Variants in DIDO1 observed in about 807,000 individuals in gnomAD.
The protein encoded by DIDO1 is death-inducer obliterator 1.
DIDO1 carries 16 observed loss-of-function variants against 99.4 expected under a neutral mutation model. The ratio of observed to expected loss-of-function variants is 0.16; its 90% CI spans 0.11 to 0.24. The LOEUF is 0.24. DIDO1 is among the 10% of genes least tolerant of loss of function. The probability of loss-of-function intolerance (pLI) is 1.00; values close to 1 mark genes in which losing one functional copy is unlikely to be tolerated. For synonymous variants in DIDO1, 1,366 were observed against 1,239.1 expected, an observed-to-expected ratio of 1.10 and a Z score of -2.15; for missense variants, 2,996 against 3,014.0, an observed-to-expected ratio of 0.99 and a Z score of 0.14.
intron 6 of DIDO1, among the ~76,000 whole-genome samples, chr20:62,899,857 G>A (rs1427834844): frequency 3.3e-5 from 5 of 152,138 alleles, no homozygotes; most frequent in South Asian, 2.1e-4. Flanking sequence ...CCAGGGACCC[G>A]AGCACACACC....
chr20:62,911,514 A>G lies in DIDO1; in HGVS notation c.99T>C (p.Thr33=), dbSNP rs1360268131. Residue 33 remains threonine, a synonymous_variant, in exon 3 of 16, where the codon ACT becomes ACC. Transcript: ENST00000395343. The surrounding 1 kb of genome is among the most constrained non-coding windows in gnomAD (Gnocchi z 7.0). ...CCCCTGCGCCCTCTCGCTTGGCGAT[A>G]GTGGTCCTTCGAAAACCCCATGTTT... The part of the protein sequence containing the change: ...FRKTWGFRRT[T]IAKREGAGDA... 2.5e-6 allele frequency: 4 copies of G among 1,612,810 alleles called. No individual in the cohort carries two copies. The highest frequency in any genetic ancestry group is 1.7e-5 in the Admixed American group (1 of 59,814).
chr20:62,922,151 C>T lies in DIDO1; in HGVS notation c.-200+4288G>A, dbSNP rs886694026. Among the ~76,000 whole-genome samples, 8 of 150,412 alleles carry T rather than the reference C, an allele frequency of 5.3e-5. No individual in the cohort carries two copies. In the South Asian group the frequency reaches 1.1e-3, roughly 20 times the overall value. Reference sequence around the variant, plus strand: ...ATATATACATATATACACACACACACACACAAACAATGCCCGGCTCTTTTA... The same window carrying T: ...ATATATACATATATACACACACACATACACAAACAATGCCCGGCTCTTTTA... On this transcript the variant is annotated intron_variant, in intron 1 of 15. Coordinates refer to ENST00000395343, the MANE Select transcript of DIDO1 (RefSeq NM_001193369.2).
Position 62,896,088 on chromosome 20 carries a change from C to G in DIDO1, c.2214+145G>C. The G allele has an allele frequency of 1.1e-6, 1 of 907,040 alleles. No individual in the cohort carries two copies. The highest frequency in any genetic ancestry group is 1.7e-6 in the Non-Finnish European group (1 of 602,954). 56.2% of individuals were successfully genotyped at this position (907,040 alleles called of 1,614,324 possible). A position where few individuals can be genotyped will look rare whatever the true frequency, so the allele number is the denominator to read the frequency against. ...GACGCTCAACGCCAGTGCAACAATA[C>G]GTGGGCGGCAGAAGGATCACAGAGG... On this transcript the variant is annotated intron_variant, in intron 8 of 15. Transcript: ENST00000395343. The surrounding 1 kb of genome is among the most constrained non-coding windows in gnomAD (Gnocchi z 4.4).
upstream of DIDO1, among the ~76,000 whole-genome samples, chr20:62,929,473 C>A (rs1568894122): frequency 1.3e-5 from 2 of 152,092 alleles, no homozygotes; most frequent in Admixed American, 1.3e-4. Flanking sequence ...GCACCGCGGG[C>A]CCGCGACCCG....
chr20:62,907,601 C>T (rs1304708165), intron 4 of DIDO1, among the ~76,000 whole-genome samples: 1 of 152,240 alleles, frequency 6.6e-6, no homozygotes, highest in Non-Finnish European at 1.5e-5. Flanking sequence ...GACCCCTGGA[C>T]TGCCGCCCTC....
intron 1 of DIDO1, among the ~76,000 whole-genome samples, chr20:62,923,729 T>C (rs1223784349): frequency 6.6e-6 from 1 of 152,262 alleles, no homozygotes; most frequent in African/African-American, 2.4e-5. Context: ...CATTAAGGTA[T>C]CTTCATTTTG....
chr20:62,888,507 C>T, intron 15 of DIDO1: 20 of 985,576 alleles, frequency 2.0e-5, no homozygotes, highest in Non-Finnish European at 2.4e-5. Context: ...CCAAGCTGCG[C>T]AGCACACGCT....
At chr20:62,931,377 AAAC>A (rs1275564694), upstream of DIDO1, among the ~76,000 whole-genome samples, 1 of 152,230 alleles carries the variant, frequency 6.6e-6, no homozygotes, top group African/African-American at 2.4e-5. Context: ...AAGTAAATAA[AAAC>A]AACTTTGGAA....
Position 62,911,352 on chromosome 20 carries a change from C to T in DIDO1, c.261G>A (p.Arg87=). 1 of 1,609,752 alleles carries T rather than the reference C, an allele frequency of 6.2e-7. No homozygotes were observed. Among genetic ancestry groups the T allele is most frequent in the East Asian group, 2.2e-5 (1 of 44,874 alleles). The change falls in exon 3 of 16, where the codon AGG becomes AGA. Residue 87 remains arginine, a synonymous_variant. Transcript: ENST00000395343. This position sits in a 1 kb window ranked among gnomAD's most constrained non-coding sequence, Gnocchi z 7.0. ...AATCCTCCAGGGAGACAGGCATGCTCCTCCTGCCGCGGCGCCGCGCAATGG... is the reference window on the plus strand; with the variant it reads ...AATCCTCCAGGGAGACAGGCATGCTTCTCCTGCCGCGGCGCCGCGCAATGG... ...FLTIARRRGR[R]SMPVSLEDSG...
intron 8 of DIDO1, among the ~76,000 whole-genome samples, chr20:62,895,637 G>A (rs1045311708): frequency 6.6e-6 from 1 of 152,258 alleles, no homozygotes; most frequent in African/African-American, 2.4e-5. Context: ...ACAGGGAGGA[G>A]CCTGGAGGCC....
chr20:62,894,776 T>G lies in DIDO1; in HGVS notation c.2436+34A>C. ...AAAACATTTGGGATGGATTAGTCTA[T>G]TCTCGGTGAACACAAAATCTCCCAA... On this transcript the variant is annotated intron_variant, in intron 10 of 15. Transcript: ENST00000395343. The surrounding 1 kb of genome is among the most constrained non-coding windows in gnomAD (Gnocchi z 4.4). The G allele has an allele frequency of 6.3e-7, 1 of 1,591,616 alleles. No homozygotes were observed. The highest frequency in any genetic ancestry group is 8.6e-7 in the Non-Finnish European group (1 of 1,167,522).
chr20:62,880,383 G>T lies in DIDO1; in HGVS notation c.5573C>A (p.Ala1858Asp). Residue 1858 changes from alanine (A) to aspartate (D), a missense_variant, in exon 16 of 16, where the codon GCC becomes GAC. Around this residue, in one of 5 missense-constraint regions of DIDO1, gnomAD observed 1,562 missense variants for 1,412.6 expected, o/e 1.11. Transcript: ENST00000395343. ...GGCGCCCGTCACCTCGTTATACGGG[G>T]CGTCCTGGAACTCCCTCTTCTCCCC... ...PHGEKREFQD[A>D]PYNEVTGAPA... is the part of the protein sequence containing the mutation. The T allele has an allele frequency of 6.2e-7, 1 of 1,612,884 alleles. No individual in the cohort carries two copies. The highest frequency in any genetic ancestry group is 8.5e-7 in the Non-Finnish European group (1 of 1,180,020).
At chr20:62,897,068 G>C (rs879616834) in intron 6 of DIDO1, 72 bp from the exon 7 acceptor site, 1 of 1,421,352 alleles carries the variant, frequency 7.0e-7, no homozygotes, top group Admixed American at 2.5e-5. Context: ...CTAAAAAGCA[G>C]ACTTACCCTT....
Position 62,879,699 on chromosome 20 carries a change from C to G in DIDO1, c.6257G>C (p.Arg2086Thr). 1 of 1,611,228 alleles carries G rather than the reference C, an allele frequency of 6.2e-7. No individual in the cohort carries two copies. Among genetic ancestry groups the G allele is most frequent in the Non-Finnish European group, 8.5e-7 (1 of 1,179,826 alleles). Reference protein sequence around the residue: ...HEYRNQTFEGRQRERFDVGPK... With the variant: ...HEYRNQTFEGTQRERFDVGPK... Reference sequence around the variant, plus strand: ...CCCCACGTCAAACCGCTCTCTCTGCCTCCCTTCGAAAGTCTGGTTTCTGTA... The same window carrying G: ...CCCCACGTCAAACCGCTCTCTCTGCGTCCCTTCGAAAGTCTGGTTTCTGTA... Residue 2086 changes from arginine to threonine, a missense_variant, in exon 16 of 16, where the codon AGG (arginine) becomes ACG (threonine). Arg to Thr is a moderately conservative substitution (Grantham distance 71). Transcript: ENST00000395343. This position sits in a 1 kb window ranked among gnomAD's most constrained non-coding sequence, Gnocchi z 6.3.
chr20:62,936,905 G>A (rs905097594), intron 1 of DIDO1, among the ~76,000 whole-genome samples: 5 of 152,236 alleles, frequency 3.3e-5, no homozygotes, highest in East Asian at 1.9e-4. Context: ...TTCCCATAGG[G>A]TTATGTAGTT....
intron 1 of DIDO1, 80 bp downstream of exon 1, chr20:62,926,359 G>GGCCCC: frequency 6.6e-6 from 1 of 152,002 alleles, no homozygotes; most frequent in South Asian, 2.1e-4. Flanking sequence ...CTCCGATGCC[G>GGCCCC]GCCCCGCCCC....
chr20:62,904,745 A>G (rs2064760136), intron 6 of DIDO1, among the ~76,000 whole-genome samples: 1 of 134,872 alleles, frequency 7.4e-6, no homozygotes, highest in Admixed American at 8.4e-5. Flanking sequence ...ATGCCACTGC[A>G]CTCCAGCCTG....
rs2064796944 is a variant in DIDO1 at position 62,906,076 on chromosome 20, G to C, written c.1399C>G (p.His467Asp). The C allele has an allele frequency of 6.2e-7, 1 of 1,611,660 alleles. No homozygotes were observed. The highest frequency in any genetic ancestry group is 1.3e-5 in the African/African-American group (1 of 74,752). ...TTTTTTTCTGGAGCTGGTCTCTTGT[G>C]CACAGAAGAGATTTTAATACCTGCC... ...AQAGIKISSV[H>D]KRPAPEKKET... Residue 467 changes from histidine to aspartate, a missense_variant, in exon 6 of 16, where the codon CAC (histidine) becomes GAC (aspartate). His to Asp is a moderately conservative substitution (Grantham distance 81). Transcript: ENST00000395343.
In DIDO1 at chr20:62,910,849, C is replaced by T. The variant is rs888105509; in HGVS notation, c.764G>A (p.Gly255Asp). The T allele has an allele frequency of 6.2e-7, 1 of 1,614,030 alleles. No individual in the cohort carries two copies. Among genetic ancestry groups the T allele is most frequent in the Non-Finnish European group, 8.5e-7 (1 of 1,180,046 alleles). The change falls in exon 3 of 16, where the codon GGC becomes GAC. Residue 255 changes from glycine to aspartate, a missense_variant. Transcript: ENST00000395343. Reference protein sequence around the residue: ...DIKDEEPGDLGRPKPECEGYD... With the variant: ...DIKDEEPGDLDRPKPECEGYD... ...ACCCTCACATTCAGGCTTCGGTCGGCCCAAGTCTCCAGGCTCCTCATCTTT... is the reference window on the plus strand; with the variant it reads ...ACCCTCACATTCAGGCTTCGGTCGGTCCAAGTCTCCAGGCTCCTCATCTTT...
Sources: gnomAD v4.1 joint callset for allele counts (sites outside exome capture counted in the v4.1 genomes callset) on GRCh38, gnomAD v4.1.1 for gene constraint, gnomAD v4.1.1 regional missense constraint, Gnocchi (gnomAD v3.1) non-coding constraint, MANE v1.5 for transcripts, NCBI Gene and HGNC (gene_info 2026-07-23, HGNC 2026-07-21) for gene names.